The following TMEM54 variants were observed in gnomAD, a reference collection of about 807,000 sequenced individuals.
The protein encoded by TMEM54 is transmembrane protein 54.
TMEM54 carries 21 observed loss-of-function variants against 21.3 expected under a neutral mutation model. The ratio of observed to expected loss-of-function variants is 0.99; its 90% CI spans 0.70 to 1.42. The LOEUF (loss-of-function observed/expected upper bound fraction) is 1.42. TMEM54 is among the 40% of genes most tolerant of loss of function. The pLI, the probability that TMEM54 is intolerant of heterozygous loss-of-function variation, is 0.00. For synonymous variants in TMEM54, 109 were observed against 125.0 expected (o/e 0.87, Z 0.86); for missense variants, 246 against 294.0 (o/e 0.84, Z 1.19).
In TMEM54 at chr1:32,895,658, G is replaced by T. The variant is rs1331765902; in HGVS notation, c.356C>A (p.Thr119Asn). Residue 119 changes from threonine (T) to asparagine (N), a missense_variant, in exon 4 of 6, where the codon ACC becomes AAC. Coordinates refer to ENST00000373463, the MANE Select transcript of TMEM54 (RefSeq NM_033504.4). This position sits in a 1 kb window ranked among gnomAD's most constrained non-coding sequence, Gnocchi z 5.8. Reference protein sequence around the residue: ...ALGLLASIAMTFATQGKALLA... With the variant: ...ALGLLASIAMNFATQGKALLA... Reference sequence around the variant, plus strand: ...CAGTGCCTTGCCCTGGGTGGCAAAGGTCATGGCGATGGAGGCCAAGAGGCC... The same window carrying T: ...CAGTGCCTTGCCCTGGGTGGCAAAGTTCATGGCGATGGAGGCCAAGAGGCC... The T allele has an allele frequency of 1.3e-5, 20 of 1,563,630 alleles. No individual in the cohort carries two copies. The highest frequency in any genetic ancestry group is 1.9e-5 in the Admixed American group (1 of 51,726).
At chr1:32,899,158 G>A (rs914403412) in intron 1 of TMEM54, among the ~76,000 whole-genome samples, 23 of 152,128 alleles carry the variant, frequency 1.5e-4, no homozygotes, top group Non-Finnish European at 2.1e-4. Flanking sequence ...TCTGAAATCT[G>A]CCCATAAGTC....
At chr1:32,900,451 A>C (rs1168844188) in intron 1 of TMEM54, among the ~76,000 whole-genome samples, 1 of 151,836 alleles carries the variant, frequency 6.6e-6, no homozygotes, top group Non-Finnish European at 1.5e-5. Flanking sequence ...TCTCTCCTGG[A>C]CTCAAGCGAT....
chr1:32,898,122 A>G lies in TMEM54; in HGVS notation c.210+4T>C, dbSNP rs1382433150. The G allele has an allele frequency of 1.8e-5, 29 of 1,589,758 alleles. No homozygotes were observed. Among genetic ancestry groups the G allele is most frequent in the Non-Finnish European group, 2.5e-5 (29 of 1,160,054 alleles). The stretch of plus-strand genomic sequence containing the variant: ...CACCAACCACCCTCCCAGCCTGGCC[A>G]TACCACGATGGCGGAAGTGACAGAG... On this transcript the variant is annotated splice_donor_region_variant and intron_variant, in intron 2 of 5. Coordinates refer to ENST00000373463, the MANE Select transcript of TMEM54 (RefSeq NM_033504.4).
intron 1 of TMEM54, among the ~76,000 whole-genome samples, chr1:32,899,391 G>GAA (rs11284140): frequency 3.3e-5 from 4 of 122,998 alleles, no homozygotes; most frequent in Non-Finnish European, 3.4e-5. Context: ...CTCTGCAGCT[G>GAA]AAAAAAAAAA....
chr1:32,897,952 T>C lies in TMEM54; in HGVS notation c.210+174A>G. 1.7e-6 allele frequency: 1 copy of C among 594,004 alleles called. No individual in the cohort carries two copies. The highest frequency in any genetic ancestry group is 3.0e-6 in the Non-Finnish European group (1 of 332,316). 36.8% of individuals were successfully genotyped at this position (594,004 alleles called of 1,614,324 possible). A position where few individuals can be genotyped will look rare whatever the true frequency, so the allele number is the denominator to read the frequency against. ...CTCAGAGGTAAACACTGTTACCATC[T>C]CCATTTGATAGATGAAGAAGTTGAG... On this transcript the variant is annotated intron_variant, in intron 2 of 5. Transcript: ENST00000373463. This position sits in a 1 kb window ranked among gnomAD's most constrained non-coding sequence, Gnocchi z 4.9.
In TMEM54 at chr1:32,895,738, C is replaced by T. The variant is rs543145214; in HGVS notation, c.276G>A (p.Trp92Ter). The T allele has an allele frequency of 1.6e-4, 244 of 1,556,622 alleles. No homozygotes were observed. The Middle Eastern group carries it at 2.1e-3, about 14-fold the overall frequency. ...AGGCCACGCTCGAGCTAAACACTGT[C>T]CAGCGCTGGACGGGGGAGGCCACTG... ...SRYLPSTPLR[W>*]TVFSSSVACA... Residue 92 changes from tryptophan to a stop codon, truncating the protein, a stop_gained, in exon 4 of 6, where the codon TGG (tryptophan) becomes TGA (stop). Coordinates refer to ENST00000373463, the MANE Select transcript of TMEM54 (RefSeq NM_033504.4). LOFTEE classifies it high-confidence loss of function. This position sits in a 1 kb window ranked among gnomAD's most constrained non-coding sequence, Gnocchi z 5.8.
rs1180635814 is a variant in TMEM54 at position 32,896,913 on chromosome 1, A to G, written c.211-944T>C. On this transcript the variant is annotated intron_variant, in intron 2 of 5. Transcript: ENST00000373463. This position sits in a 1 kb window ranked among gnomAD's most constrained non-coding sequence, Gnocchi z 4.1. ...TGGTGTCAGACACAAATAGTTTCCA[A>G]TCTGGTTTGGCTTCTGTGTATCAGC... Among the ~76,000 whole-genome samples, 1 of 152,250 alleles carries G rather than the reference A, an allele frequency of 6.6e-6. No homozygotes were observed. The highest frequency in any genetic ancestry group is 2.4e-5 in the African/African-American group (1 of 41,468).
intron 1 of TMEM54, among the ~76,000 whole-genome samples, chr1:32,900,400 A>AT (rs1196340327): frequency 2.6e-5 from 4 of 151,824 alleles, no homozygotes; most frequent in Non-Finnish European, 5.9e-5. Context: ...CTTTATTTAA[A>AT]TTTTTTGTAG....
chr1:32,895,927 G>A lies in TMEM54; in HGVS notation c.253C>T (p.Leu85Phe), dbSNP rs1641586731. 6.2e-7 allele frequency: 1 copy of A among 1,613,334 alleles called. No individual in the cohort carries two copies. The highest frequency in any genetic ancestry group is 8.5e-7 in the Non-Finnish European group (1 of 1,179,692). Residue 85 changes from leucine (L) to phenylalanine (F), a missense_variant, in exon 3 of 6, where the codon CTC becomes TTC. Physicochemically the swap from Leu to Phe is conservative, Grantham distance 22. Coordinates refer to ENST00000373463, the MANE Select transcript of TMEM54 (RefSeq NM_033504.4). This position sits in a 1 kb window ranked among gnomAD's most constrained non-coding sequence, Gnocchi z 5.8. ...CCACGTACCAGGGGGGTGCTAGGGAGGTAGCGTGACAACACGATGGCTGCG... is the reference window on the plus strand; with the variant it reads ...CCACGTACCAGGGGGGTGCTAGGGAAGTAGCGTGACAACACGATGGCTGCG... ...GIAAIVLSRY[L>F]PSTPLRWTVF...
chr1:32,894,967 G>T, intron 5 of TMEM54, 88 bp from the exon 6 acceptor site: 2 of 1,544,334 alleles, frequency 1.3e-6, no homozygotes, highest in East Asian at 2.4e-5. Context: ...AGGAGGTGAG[G>T]GCTGGAAGGC....
intron 1 of TMEM54, among the ~76,000 whole-genome samples, chr1:32,899,141 C>T (rs1383940523): frequency 6.6e-6 from 1 of 152,146 alleles, no homozygotes; most frequent in Admixed American, 6.5e-5. Context: ...CGGCTCCCGA[C>T]CTGCTGTCTG....
intron 5 of TMEM54, 57 bp from the exon 6 acceptor site, chr1:32,894,936 C>G: frequency 6.3e-7 from 1 of 1,586,800 alleles, no homozygotes; most frequent in Non-Finnish European, 8.6e-7. Context: ...GTCTCCTCCT[C>G]CAGGACATCC....
chr1:32,899,720 ATC>A (rs1178487532), intron 1 of TMEM54, among the ~76,000 whole-genome samples: 1 of 152,052 alleles, frequency 6.6e-6, no homozygotes, highest in African/African-American at 2.4e-5. Context: ...AAAAAATGAA[ATC>A]TCTACACTGG....
chr1:32,901,335 G>A lies in TMEM54; in HGVS notation c.-97C>T. ...CTCCCATCCCGCTGGCCCGTCGCCC[G>A]CGCGCCCCGCACCGTCGCGCTCGCC... On this transcript the variant is annotated 5_prime_UTR_variant, in exon 1 of 6. Coordinates refer to ENST00000373463, the MANE Select transcript of TMEM54 (RefSeq NM_033504.4). This position sits in a 1 kb window ranked among gnomAD's most constrained non-coding sequence, Gnocchi z 4.2. 5 of 1,138,758 alleles carry A rather than the reference G, an allele frequency of 4.4e-6. No individual in the cohort carries two copies. The highest frequency in any genetic ancestry group is 5.5e-6 in the Non-Finnish European group (5 of 910,928). 70.5% of individuals were successfully genotyped at this position (1,138,758 alleles called of 1,614,324 possible).
In TMEM54 at chr1:32,895,176, C is replaced by T; in HGVS notation, c.594+129G>A. ...AGCCTCCAGGCCTCTCCCTTTGCTC[C>T]TGGGGAGAAAACTTCTGCCCCATTT... On this transcript the variant is annotated intron_variant, in intron 5 of 5. Coordinates refer to ENST00000373463, the MANE Select transcript of TMEM54 (RefSeq NM_033504.4). The surrounding 1 kb of genome is among the most constrained non-coding windows in gnomAD (Gnocchi z 5.8). 7.4e-7 allele frequency: 1 copy of T among 1,360,434 alleles called. No individual in the cohort carries two copies. The highest frequency in any genetic ancestry group is 9.8e-7 in the Non-Finnish European group (1 of 1,016,192). 84.3% of individuals were successfully genotyped at this position (1,360,434 alleles called of 1,614,324 possible).
intron 1 of TMEM54, 90 bp from the exon 2 acceptor site, chr1:32,898,409 TTG>T: frequency 7.9e-7 from 1 of 1,270,208 alleles, no homozygotes; most frequent in Non-Finnish European, 1.1e-6. Flanking sequence ...GTGATGGACA[TTG>T]GGTTCTAAAT....
At chr1:32,900,168 C>T (rs564016503) in intron 1 of TMEM54, among the ~76,000 whole-genome samples, 1 of 152,318 alleles carries the variant, frequency 6.6e-6, no homozygotes, top group East Asian at 1.9e-4. Flanking sequence ...AGACTTTGGT[C>T]AAAGAGGAGG....
chr1:32,895,477 G>C lies in TMEM54; in HGVS notation c.460-38C>G, dbSNP rs1318320083. The C allele has an allele frequency of 6.3e-7, 1 of 1,599,200 alleles. No homozygotes were observed. The highest frequency in any genetic ancestry group is 8.5e-7 in the Non-Finnish European group (1 of 1,169,670). Reference sequence around the variant, plus strand: ...GGGCAGAGATGGCTGGCTGGAGTTGGGGGTGGAGGGTGGATTCCAAGAGCC... The same window carrying C: ...GGGCAGAGATGGCTGGCTGGAGTTGCGGGTGGAGGGTGGATTCCAAGAGCC... On this transcript the variant is annotated intron_variant, in intron 4 of 5. Coordinates refer to ENST00000373463, the MANE Select transcript of TMEM54 (RefSeq NM_033504.4). The surrounding 1 kb of genome is among the most constrained non-coding windows in gnomAD (Gnocchi z 5.8).
rs1433336452 is a variant in TMEM54 at position 32,894,794 on chromosome 1, G to A, written c.*11C>T. On this transcript the variant is annotated 3_prime_UTR_variant, in exon 6 of 6. Coordinates refer to ENST00000373463, the MANE Select transcript of TMEM54 (RefSeq NM_033504.4). ...CCTAGTGGCCATCGGGCCTGGGCAG[G>A]ACATCATCTCTCAGAGGGTCAGAGG... 6.2e-7 allele frequency: 1 copy of A among 1,608,126 alleles called. No individual in the cohort carries two copies. Among genetic ancestry groups the A allele is most frequent in the Admixed American group, 1.7e-5 (1 of 59,880 alleles).
Sources: gnomAD v4.1 joint callset for allele counts (sites outside exome capture counted in the v4.1 genomes callset) on GRCh38, gnomAD v4.1.1 for gene constraint, Gnocchi (gnomAD v3.1) non-coding constraint, MANE v1.5 for transcripts, NCBI Gene and HGNC (gene_info 2026-07-23, HGNC 2026-07-21) for gene names.